DTNA: variants seen among roughly 807,000 people sequenced by gnomAD.
DTNA encodes the protein dystrobrevin alpha, also known as dystrophin-related protein 3.
In DTNA, 43 loss-of-function variants were observed where a neutral mutation model predicts 100.7. The observed-to-expected ratio is 0.43, with a 90% CI of 0.33 to 0.55. DTNA has a LOEUF of 0.55. DTNA is among the 20% of genes least tolerant of loss of function. The probability of loss-of-function intolerance (pLI) is 0.04; values close to 1 mark genes in which losing one functional copy is unlikely to be tolerated. For missense variants in DTNA, 798 were observed against 953.9 expected (o/e 0.84, Z 2.15); for synonymous variants, 349 against 347.9 (o/e 1.00, Z -0.04).
In DTNA at chr18:34,847,246, C is replaced by G. The variant is rs373395081; in HGVS notation, c.1347-1050C>G. ...TTAGTTTTTAGGGACTCAGATCATC[C>G]TTATTCTAGTATGAACAGTTTCTGT... On this transcript the variant is annotated intron_variant, in intron 13 of 22. Transcript: ENST00000444659. Among the ~76,000 whole-genome samples, 18 of 152,204 alleles carry G rather than the reference C, an allele frequency of 1.2e-4. No homozygotes were observed. In the East Asian group the frequency reaches 2.9e-3, roughly 24 times the overall value.
At position 34,888,236 on chromosome 18, in the gene DTNA, T is replaced by C. The variant is rs1482513519; in HGVS notation, c.*502T>C. 8 of 985,736 alleles carry C rather than the reference T, an allele frequency of 8.1e-6. No homozygotes were observed. The highest frequency in any genetic ancestry group is 6.0e-6 in the Non-Finnish European group (5 of 829,932). The allele number at this position is 985,736 out of a possible 1,614,324, so 61.1% of individuals were successfully genotyped here. On this transcript the variant is annotated 3_prime_UTR_variant, in exon 23 of 23. Transcript: ENST00000444659. Reference sequence around the variant, plus strand: ...GTTTGATTTCTGAATTCTTTGAGATTTTAGCAAAACAGTTTATTATACACT... The same window carrying C: ...GTTTGATTTCTGAATTCTTTGAGATCTTAGCAAAACAGTTTATTATACACT...
intron 1 of DTNA, chr18:34,493,999 C>G (rs2038873000): frequency 6.7e-6 from 1 of 149,272 alleles, no homozygotes; most frequent in Non-Finnish European, 1.5e-5. Context: ...GGATGTCCGG[C>G]CCGGGGGCGC....
intron 2 of DTNA, among the ~76,000 whole-genome samples, chr18:34,761,112 T>A: frequency 6.6e-6 from 1 of 150,812 alleles, no homozygotes; most frequent in Non-Finnish European, 1.5e-5. Flanking sequence ...TATCTCTCTC[T>A]CTCCCTCCAT....
At chr18:34,656,395 T>G (rs1182022550) in intron 1 of DTNA, among the ~76,000 whole-genome samples, 3 of 152,172 alleles carry the variant, frequency 2.0e-5, no homozygotes, top group Non-Finnish European at 1.5e-5. Context: ...AATAGAAGGG[T>G]TCTTCTTACG....
At chr18:34,556,843 T>A (rs1369127207) in intron 1 of DTNA, among the ~76,000 whole-genome samples, 1 of 151,134 alleles carries the variant, frequency 6.6e-6, no homozygotes, top group Non-Finnish European at 1.5e-5. Flanking sequence ...CTGACAATTA[T>A]GTGTCTTGGA....
At chr18:34,694,008 A>G (rs927567482) in intron 1 of DTNA, among the ~76,000 whole-genome samples, 1 of 152,198 alleles carries the variant, frequency 6.6e-6, no homozygotes, top group African/African-American at 2.4e-5. Context: ...TGTTATATGA[A>G]TAACTTGTTT....
chr18:34,806,082 A>G (rs2095352746), intron 4 of DTNA, 137 bp from the exon 5 acceptor site: 2 of 717,144 alleles, frequency 2.8e-6, no homozygotes. Flanking sequence ...GGATGTGCCC[A>G]CATAAGGCAT....
At chr18:34,645,124 A>G (rs1375966185) in intron 1 of DTNA, among the ~76,000 whole-genome samples, 1 of 152,090 alleles carries the variant, frequency 6.6e-6, no homozygotes, top group African/African-American at 2.4e-5. Flanking sequence ...TTTTCAACAT[A>G]ATGTAGTTGT....
intron 1 of DTNA, among the ~76,000 whole-genome samples, chr18:34,723,696 C>T (rs965280607): frequency 1.6e-4 from 24 of 152,086 alleles, no homozygotes; most frequent in African/African-American, 5.5e-4. Flanking sequence ...GTCAGGAGTT[C>T]GAGACCAGCC....
intron 1 of DTNA, among the ~76,000 whole-genome samples, chr18:34,672,918 A>G (rs2076946789): frequency 2.0e-5 from 3 of 152,092 alleles, no homozygotes; most frequent in Admixed American, 6.6e-5. Context: ...TTTTCTTCAC[A>G]ATTTATTATA....
chr18:34,566,624 G>A (rs958122882), intron 1 of DTNA, among the ~76,000 whole-genome samples: 17 of 152,270 alleles, frequency 1.1e-4, no homozygotes, highest in African/African-American at 1.9e-4. Context: ...TGCTGGAGTC[G>A]TCTACTTGTA....
chr18:34,740,532 A>G (rs151045320), intron 1 of DTNA, among the ~76,000 whole-genome samples: 5 of 152,302 alleles, frequency 3.3e-5, no homozygotes, highest in Non-Finnish European at 7.4e-5. Flanking sequence ...GCACATCACA[A>G]GCATGATTGT....
At chr18:34,759,424 G>T (rs1405808987) in intron 2 of DTNA, among the ~76,000 whole-genome samples, 1 of 152,138 alleles carries the variant, frequency 6.6e-6, no homozygotes, top group Non-Finnish European at 1.5e-5. Flanking sequence ...GACAGACCTA[G>T]GACATGTACC....
At chr18:34,652,199 G>A (rs62097193) in intron 1 of DTNA, among the ~76,000 whole-genome samples, 10 of 152,096 alleles carry the variant, frequency 6.6e-5, no homozygotes, top group Non-Finnish European at 1.3e-4. Context: ...CCAGACAGAG[G>A]GCGGGGGAGG....
rs150651600 is a variant in DTNA at position 34,643,749 on chromosome 18, C to A, written c.-1-112227C>A. ...AAAGCTGAGATTATGTTTTCTGCTC[C>A]ACATTTTGAGGGTAGATGCCAACAT... On this transcript the variant is annotated intron_variant, in intron 1 of 19. Transcript: ENST00000283365. 2.2e-3 allele frequency among the ~76,000 whole-genome samples: 339 copies of A among 152,250 alleles called. 3 individuals are homozygous for A. The highest frequency in any genetic ancestry group is 7.4e-3 in the African/African-American group (308 of 41,566).
chr18:34,701,271 G>C (rs542483440), intron 1 of DTNA, among the ~76,000 whole-genome samples: 1 of 152,192 alleles, frequency 6.6e-6, no homozygotes, highest in South Asian at 2.1e-4. Flanking sequence ...CCCCAAAAAA[G>C]GTTCTTGTTA....
intron 1 of DTNA, among the ~76,000 whole-genome samples, chr18:34,516,820 G>A (rs1054828338): frequency 7.2e-5 from 11 of 152,156 alleles, no homozygotes; most frequent in Admixed American, 2.6e-4. Context: ...AAACACACAT[G>A]CTCTACAAAC....
At chr18:34,498,905 T>C (rs1006029864) in intron 1 of DTNA, among the ~76,000 whole-genome samples, 2 of 152,256 alleles carry the variant, frequency 1.3e-5, no homozygotes, top group African/African-American at 4.8e-5. Flanking sequence ...ATCAATACTT[T>C]TAATTAAACA....
At chr18:34,527,831 A>G (rs563769449) in intron 1 of DTNA, among the ~76,000 whole-genome samples, 2 of 152,176 alleles carry the variant, frequency 1.3e-5, no homozygotes, top group East Asian at 3.9e-4. Context: ...GTAAAATCCT[A>G]AGCTTTGCTT....
Sources: allele counts gnomAD v4.1 joint callset (sites outside exome capture counted in the v4.1 genomes callset), GRCh38; gene constraint gnomAD v4.1.1; transcripts MANE v1.5; gene names NCBI Gene and HGNC (gene_info 2026-07-23, HGNC 2026-07-21).